PCDHGB2: variants seen among roughly 807,000 people sequenced by gnomAD.
PCDHGB2 encodes protocadherin gamma-B2.
Under a neutral mutation model 59.3 loss-of-function variants are expected in PCDHGB2, and 55 were observed. That is an observed-to-expected ratio of 0.93 (90% confidence interval 0.75 to 1.16). PCDHGB2 has a LOEUF of 1.16. Ranked by LOEUF, PCDHGB2 falls within the 50% of genes most tolerant of loss-of-function variation. The probability of loss-of-function intolerance (pLI) is 0.00; values close to 1 mark genes in which losing one functional copy is unlikely to be tolerated. For missense variants in PCDHGB2, 1,228 were observed against 1,198.5 expected (o/e 1.02, Z -0.36); for synonymous variants, 516 against 512.0 (o/e 1.01, Z -0.11).
intron 1 of PCDHGB2, among the ~76,000 whole-genome samples, chr5:141,433,553 T>C (rs530467777): frequency 1.3e-5 from 2 of 151,614 alleles, no homozygotes; most frequent in African/African-American, 4.8e-5. Flanking sequence ...TATTCTTTTC[T>C]GGCTGGGCGC....
intron 1 of PCDHGB2, chr5:141,371,116 T>G (rs1486795854): frequency 1.2e-6 from 2 of 1,613,914 alleles, no homozygotes; most frequent in Non-Finnish European, 8.5e-7. Flanking sequence ...AACCCCCCAG[T>G]ATTTACTCAG....
chr5:141,366,178 CTT>C lies in PCDHGB2; in HGVS notation c.2421+3624_2421+3625del, dbSNP rs35325687. On this transcript the variant is annotated intron_variant, in intron 1 of 3. Coordinates refer to ENST00000522605, the MANE Select transcript of PCDHGB2 (RefSeq NM_018923.3). Reference sequence around the variant, plus strand: ...TGCTTAAGGCCAGCGAGCCAGGACTCTTTGCGGTTGGGCTGCACACGGGCGAG... The same window carrying C: ...TGCTTAAGGCCAGCGAGCCAGGACTCTGCGGTTGGGCTGCACACGGGCGAG... The C allele has an allele frequency of 1.5e-5, 24 of 1,613,926 alleles. No homozygotes were observed. In the Admixed American group the frequency reaches 3.5e-4, roughly 24 times the overall value.
chr5:141,460,961 ATG>A (rs35821115), intron 1 of PCDHGB2, among the ~76,000 whole-genome samples: 22,194 of 144,260 alleles, frequency 0.15, 1,877 homozygotes, highest in South Asian at 0.27. Context: ...GTATATATAT[ATG>A]TGTGTGTGTG....
rs777925358 is a variant in PCDHGB2 at position 141,477,657 on chromosome 5, G to T, written c.2422-17150G>T. ...GTGGGTCGCTATTTCACAATAAATC[G>T]TGACAATGGCATAGTGTCATCCTTA... On this transcript the variant is annotated intron_variant, in intron 1 of 3. Transcript: ENST00000522605. This position sits in a 1 kb window ranked among gnomAD's most constrained non-coding sequence, Gnocchi z 4.9. 6.8e-6 allele frequency: 11 copies of T among 1,614,072 alleles called. No individual in the cohort carries two copies. Among genetic ancestry groups the T allele is most frequent in the South Asian group, 2.2e-5 (2 of 91,090 alleles).
rs151105903 is a variant in PCDHGB2 at position 141,419,964 on chromosome 5, T to C, written c.2421+57408T>C. ...GTGGCCTTGGCCTTGATTTCTGTGC[T>C]CTTTCTCCTCGCGGTGATTCTAGCT... On this transcript the variant is annotated intron_variant, in intron 1 of 3. Transcript: ENST00000522605. 3.7e-6 allele frequency: 6 copies of C among 1,614,082 alleles called. No individual in the cohort carries two copies. Among genetic ancestry groups the C allele is most frequent in the Non-Finnish European group, 4.2e-6 (5 of 1,179,900 alleles).
chr5:141,486,452 G>T lies in PCDHGB2; in HGVS notation c.2422-8355G>T. 6.2e-7 allele frequency: 1 copy of T among 1,614,152 alleles called. No homozygotes were observed. Among genetic ancestry groups the T allele is most frequent in the Non-Finnish European group, 8.5e-7 (1 of 1,179,996 alleles). Reference sequence around the variant, plus strand: ...ATCTAGCTATGACATCATGGTCACTGCTTCTGATGCTGGGAACCCTCCTCT... The same window carrying T: ...ATCTAGCTATGACATCATGGTCACTTCTTCTGATGCTGGGAACCCTCCTCT... On this transcript the variant is annotated intron_variant, in intron 1 of 3. Coordinates refer to ENST00000522605, the MANE Select transcript of PCDHGB2 (RefSeq NM_018923.3). This position sits in a 1 kb window ranked among gnomAD's most constrained non-coding sequence, Gnocchi z 5.0.
intron 1 of PCDHGB2, chr5:141,423,851 C>T (rs1311833319): frequency 7.8e-6 from 10 of 1,275,940 alleles, no homozygotes; most frequent in African/African-American, 1.6e-5. Flanking sequence ...TCTTTCAGAA[C>T]GTTTTTGTGA....
chr5:141,490,623 T>C lies in PCDHGB2; in HGVS notation c.2422-4184T>C. The C allele has an allele frequency of 3.1e-6, 5 of 1,614,174 alleles. No individual in the cohort carries two copies. The highest frequency in any genetic ancestry group is 4.2e-6 in the Non-Finnish European group (5 of 1,180,020). ...GCTTCAACCAGCAGCTTTACACTGC[T>C]TACATCCTAGAAAACCGGCCTCCGG... On this transcript the variant is annotated intron_variant, in intron 1 of 3. Coordinates refer to ENST00000522605, the MANE Select transcript of PCDHGB2 (RefSeq NM_018923.3). This position sits in a 1 kb window ranked among gnomAD's most constrained non-coding sequence, Gnocchi z 5.4.
rs1231167998 is a variant in PCDHGB2, at chr5:141,399,197, T to C, written c.2421+36641T>C. 1.9e-6 allele frequency: 3 copies of C among 1,613,808 alleles called. No individual in the cohort carries two copies. In the African/African-American group the frequency reaches 4.0e-5, roughly 22 times the overall value. On this transcript the variant is annotated intron_variant, in intron 1 of 3. Transcript: ENST00000522605. ...CTTGAAATGATTCTGGAAAACGCGGTGCCTGGAACACTAATTGCTTTGATC... is the reference window on the plus strand; with the variant it reads ...CTTGAAATGATTCTGGAAAACGCGGCGCCTGGAACACTAATTGCTTTGATC...
intron 1 of PCDHGB2, chr5:141,403,389 C>T (rs764725441): frequency 1.2e-6 from 2 of 1,614,050 alleles, no homozygotes; most frequent in South Asian, 1.1e-5. Context: ...AACGAAATCG[C>T]GGTTCCTGGA....
chr5:141,498,294 G>A (rs2099782964), intron 2 of PCDHGB2, among the ~76,000 whole-genome samples: 1 of 151,910 alleles, frequency 6.6e-6, no homozygotes, highest in African/African-American at 2.4e-5. Flanking sequence ...GATCAAGCCA[G>A]CTCTGGGTCA....
Position 141,476,437 on chromosome 5 carries a change from T to C in PCDHGB2, c.2422-18370T>C, listed in dbSNP as rs1260141259. The C allele has an allele frequency of 6.2e-7, 1 of 1,614,004 alleles. No homozygotes were observed. Among genetic ancestry groups the C allele is most frequent in the East Asian group, 2.2e-5 (1 of 44,836 alleles). ...GGACACTGCCCTCTTGCACTGTAAC[T>C]CTGGAGTTGGTAGTGGAGAACCCGC... On this transcript the variant is annotated intron_variant, in intron 1 of 3. Transcript: ENST00000522605. This position sits in a 1 kb window ranked among gnomAD's most constrained non-coding sequence, Gnocchi z 7.6.
intron 1 of PCDHGB2, chr5:141,404,457 C>T: frequency 6.2e-7 from 1 of 1,612,824 alleles, no homozygotes; most frequent in Non-Finnish European, 8.5e-7. Flanking sequence ...TCTCCTCTCT[C>T]CACCTATGTC....
chr5:141,408,446 G>C (rs371079756), intron 1 of PCDHGB2: 180 of 1,613,946 alleles, frequency 1.1e-4, no homozygotes, highest in Non-Finnish European at 1.5e-4. Context: ...CGCGGAGAGC[G>C]GGGACTTACT....
At chr5:141,448,573 A>AT (rs976781630) in intron 1 of PCDHGB2, among the ~76,000 whole-genome samples, 10 of 151,772 alleles carry the variant, frequency 6.6e-5, no homozygotes, top group East Asian at 5.8e-4. Flanking sequence ...TTATTTCCCC[A>AT]TTTTTTTTAC....
chr5:141,390,561 G>A (rs921631416), intron 1 of PCDHGB2: 1 of 436,212 alleles, frequency 2.3e-6, no homozygotes, highest in African/African-American at 2.0e-5. Flanking sequence ...TTAGACAGTT[G>A]TTGGCTCTCT....
At chr5:141,505,673 G>C (rs1389292278) in intron 3 of PCDHGB2, among the ~76,000 whole-genome samples, 192 bp downstream of exon 3, 1 of 152,178 alleles carries the variant, frequency 6.6e-6, no homozygotes, top group East Asian at 1.9e-4. Context: ...AGGGGTTGGG[G>C]GTCCTGGGAT....
intron 1 of PCDHGB2, chr5:141,403,617 G>A (rs369607013): frequency 1.8e-4 from 288 of 1,613,738 alleles, no homozygotes; most frequent in East Asian, 1.0e-3. Context: ...GAGCCGCGTC[G>A]CTCCAGCACA....
At chr5:141,445,257 A>G (rs1253126709) in intron 1 of PCDHGB2, among the ~76,000 whole-genome samples, 3 of 152,152 alleles carry the variant, frequency 2.0e-5, no homozygotes, top group African/African-American at 2.4e-5. Context: ...GTGTGAGAAT[A>G]TAAGTCGAAA....
Sources: gnomAD v4.1 joint callset for allele counts (sites outside exome capture counted in the v4.1 genomes callset) on GRCh38, gnomAD v4.1.1 for gene constraint, Gnocchi (gnomAD v3.1) non-coding constraint, MANE v1.5 for transcripts, NCBI Gene and HGNC (gene_info 2026-07-23, HGNC 2026-07-21) for gene names.